EYA3: variants seen among roughly 807,000 people sequenced by gnomAD.
The protein encoded by EYA3 is EYA transcriptional coactivator and phosphatase 3, also known as protein phosphatase EYA3.
Under a neutral mutation model 80.0 loss-of-function variants are expected in EYA3, and 39 were observed. The ratio of observed to expected loss-of-function variants is 0.49; its 90% CI spans 0.38 to 0.64. EYA3 has a LOEUF of 0.64. Ranked by LOEUF, EYA3 falls within the 30% of genes least tolerant of loss-of-function variation. The pLI is 0.00. For missense variants in EYA3, 523 were observed against 676.1 expected (o/e 0.77, Z 2.51); for synonymous variants, 206 against 232.8 (o/e 0.88, Z 1.05).
intron 2 of EYA3, among the ~76,000 whole-genome samples, chr1:28,055,452 T>C (rs1644401237): frequency 6.8e-6 from 1 of 148,022 alleles, no homozygotes; most frequent in South Asian, 2.1e-4. Flanking sequence ...GTGAGTTATC[T>C]AAAGAAAATC....
At chr1:28,076,534 A>AACTCTGTC (rs1220968881) in intron 1 of EYA3, among the ~76,000 whole-genome samples, 1 of 151,634 alleles carries the variant, frequency 6.6e-6, no homozygotes, top group Admixed American at 6.6e-5. Flanking sequence ...CACATGGTAA[A>AACTCTGTC]ACTCTGTCTC....
rs148985925 is a variant in EYA3 at position 27,988,551 on chromosome 1, A to G, written c.1524T>C (p.Tyr508=). 869 of 1,613,842 alleles carry G rather than the reference A, an allele frequency of 5.4e-4. 1 individual carries two copies. The highest frequency in any genetic ancestry group is 6.8e-4 in the Non-Finnish European group (805 of 1,179,948). Residue 508 remains tyrosine (Y), a synonymous_variant, in exon 16 of 18, where the codon TAT becomes TAC. Transcript: ENST00000373871. The stretch of plus-strand genomic sequence containing the variant: ...AAACCATACCAATTTTGGTAGCACT[A>G]TAGATGTTCTCAATAGGAAATATTT... ...LGEIFPIENI[Y]SATKIGKESC...
At chr1:27,992,632 C>T (rs942954493) in intron 14 of EYA3, among the ~76,000 whole-genome samples, 1 of 152,118 alleles carries the variant, frequency 6.6e-6, no homozygotes, top group African/African-American at 2.4e-5. Flanking sequence ...TGATGGTTTA[C>T]AGTTTTAAAT....
In EYA3 at chr1:28,042,767, CGTG is replaced by C. The variant is rs762846730; in HGVS notation, c.78-120_78-118del. 512 of 789,100 alleles carry C rather than the reference CGTG, an allele frequency of 6.5e-4. 1 individual carries two copies. Among genetic ancestry groups the C allele is most frequent in the Non-Finnish European group, 9.1e-4 (416 of 456,732 alleles). 48.9% of individuals were successfully genotyped at this position (789,100 alleles called of 1,614,324 possible). ...ATAAGTAAGAGGCAAAGTAAATCTTCGTGATATCCTTATTGTTGATTTTTAACA... is the reference window on the plus strand; with the variant it reads ...ATAAGTAAGAGGCAAAGTAAATCTTCATATCCTTATTGTTGATTTTTAACA... On this transcript the variant is annotated intron_variant, in intron 3 of 17. Transcript: ENST00000373871.
intron 16 of EYA3, among the ~76,000 whole-genome samples, chr1:27,981,213 T>C (rs1639279605): frequency 6.6e-6 from 1 of 152,196 alleles, no homozygotes; most frequent in Admixed American, 6.5e-5. Flanking sequence ...CACAGTTCTG[T>C]GAAGAAAAGC....
At chr1:28,058,343 G>A (rs531350848) in intron 1 of EYA3, among the ~76,000 whole-genome samples, 15 of 152,124 alleles carry the variant, frequency 9.9e-5, no homozygotes, top group Admixed American at 5.9e-4. Flanking sequence ...GGTTACTATG[G>A]TGCCTAATGC....
intron 1 of EYA3, among the ~76,000 whole-genome samples, chr1:28,069,850 TCA>T (rs1267771457): frequency 1.3e-5 from 2 of 152,178 alleles, no homozygotes; most frequent in Non-Finnish European, 2.9e-5. Context: ...CTAAACGCCA[TCA>T]CAAATATCCT....
At chr1:28,033,000 G>C (rs1398768941) in intron 6 of EYA3, among the ~76,000 whole-genome samples, 1 of 152,070 alleles carries the variant, frequency 6.6e-6, no homozygotes, top group East Asian at 1.9e-4. Flanking sequence ...TTACCTCTTA[G>C]GGCTGTTCTG....
intron 6 of EYA3, among the ~76,000 whole-genome samples, chr1:28,035,113 G>A (rs1643370889): frequency 6.6e-6 from 1 of 151,994 alleles, no homozygotes; most frequent in Admixed American, 6.6e-5. Flanking sequence ...GTTTTGGGTG[G>A]GGTTAGGGGA....
rs1262698992 is a variant in EYA3, at chr1:27,974,184, G to C, written c.*282C>G. 4.2e-6 allele frequency: 1 copy of C among 238,634 alleles called. No homozygotes were observed. The highest frequency in any genetic ancestry group is 2.2e-5 in the African/African-American group (1 of 45,166). The allele number at this position is 238,634 out of a possible 1,614,324, so 14.8% of individuals were successfully genotyped here. On this transcript the variant is annotated 3_prime_UTR_variant, in exon 18 of 18. Coordinates refer to ENST00000373871, the MANE Select transcript of EYA3 (RefSeq NM_001990.4). ...GCTTCTGTATGGAGATGAACACGGGGCTGCAGCTCACTCTTAGCAAAAATT... is the reference window on the plus strand; with the variant it reads ...GCTTCTGTATGGAGATGAACACGGGCCTGCAGCTCACTCTTAGCAAAAATT...
intron 17 of EYA3, chr1:27,976,907 G>A (rs1395599013): frequency 1.7e-5 from 7 of 421,316 alleles, no homozygotes; most frequent in African/African-American, 1.1e-4. Flanking sequence ...TAGTAGAGAC[G>A]GGATTTCACC....
At chr1:28,010,848 C>T (rs1413645100) in intron 10 of EYA3, 99 bp downstream of exon 10, 4 of 1,380,518 alleles carry the variant, frequency 2.9e-6, no homozygotes, top group African/African-American at 1.4e-5. Context: ...GGGCACATAA[C>T]ATAGTGCACA....
chr1:28,013,919 C>T lies in EYA3; in HGVS notation c.586-625G>A, dbSNP rs1039125986. On this transcript the variant is annotated intron_variant, in intron 8 of 17. Transcript: ENST00000373871. This position sits in a 1 kb window ranked among gnomAD's most constrained non-coding sequence, Gnocchi z 4.0. Reference sequence around the variant, plus strand: ...TTCTACTAAAAATACAAAAATTAGCCTGGCGTGGTGGCACATGCCTGAAAT... The same window carrying T: ...TTCTACTAAAAATACAAAAATTAGCTTGGCGTGGTGGCACATGCCTGAAAT... Among the ~76,000 whole-genome samples the T allele has an allele frequency of 3.9e-5, 6 of 151,936 alleles. No homozygotes were observed. Among genetic ancestry groups the T allele is most frequent in the African/African-American group, 1.5e-4 (6 of 41,356 alleles).
rs1177281332 is a variant in EYA3 at position 27,972,799 on chromosome 1, A to G, written c.*1667T>C. ...ATCATGGCTGGGCTGGAAGGCTGTG[A>G]CTAGTGCCTGGGCACCCACCAATCT... On this transcript the variant is annotated 3_prime_UTR_variant, in exon 18 of 18. Coordinates refer to ENST00000373871, the MANE Select transcript of EYA3 (RefSeq NM_001990.4). The G allele has an allele frequency of 6.6e-6, 1 of 152,278 alleles. No homozygotes were observed. Among genetic ancestry groups the G allele is most frequent in the East Asian group, 1.9e-4 (1 of 5,202 alleles). 9.4% of individuals were successfully genotyped at this position (152,278 alleles called of 1,614,324 possible). A position where few individuals can be genotyped will look rare whatever the true frequency, so the allele number is the denominator to read the frequency against.
chr1:28,027,851 G>A lies in EYA3; in HGVS notation c.437C>T (p.Thr146Ile). ...GCTTGTGGTTAACCCTGTAGTGCAGGTAAGAACACTGTGTTGACTTGGAGA... is the reference window on the plus strand; with the variant it reads ...GCTTGTGGTTAACCCTGTAGTGCAGATAAGAACACTGTGTTGACTTGGAGA... ...TPSPSQHSVLTCTTGLTTSQP... is the reference protein window; with the variant it reads ...TPSPSQHSVLICTTGLTTSQP... Residue 146 changes from threonine to isoleucine, a missense_variant, in exon 7 of 18, where the codon ACC becomes ATC. By Grantham distance (89) the Thr-to-Ile change is moderately conservative (BLOSUM62 -1). This residue lies in a region of EYA3 where 304 missense variants were observed against 343.3 expected (regional missense o/e 0.89). Transcript: ENST00000373871. 1 of 1,614,148 alleles carries A rather than the reference G, an allele frequency of 6.2e-7. No homozygotes were observed. Among genetic ancestry groups the A allele is most frequent in the Non-Finnish European group, 8.5e-7 (1 of 1,180,016 alleles).
intron 16 of EYA3, 160 bp downstream of exon 16, chr1:27,988,374 TA>T: frequency 2.8e-6 from 2 of 724,990 alleles, no homozygotes; most frequent in Non-Finnish European, 4.4e-6. Context: ...ATATAACTAC[TA>T]AGCCTCAATT....
At chr1:28,011,270 C>T (rs760876469) in intron 9 of EYA3, among the ~76,000 whole-genome samples, 184 bp from the exon 10 acceptor site, 1 of 152,176 alleles carries the variant, frequency 6.6e-6, no homozygotes, top group African/African-American at 2.4e-5. Flanking sequence ...CACTGGCTAA[C>T]ATCAGAAAAG....
chr1:28,034,448 A>C (rs928695879), intron 6 of EYA3, among the ~76,000 whole-genome samples: 1 of 152,194 alleles, frequency 6.6e-6, no homozygotes, highest in Non-Finnish European at 1.5e-5. Context: ...TCATATCATA[A>C]ATATAAGATC....
intron 6 of EYA3, among the ~76,000 whole-genome samples, chr1:28,032,384 T>C (rs1420869422): frequency 6.6e-6 from 1 of 152,218 alleles, no homozygotes; most frequent in Admixed American, 6.5e-5. Flanking sequence ...AGTTTTTTCA[T>C]ATTATAAATA....
Sources: allele counts gnomAD v4.1 joint callset (sites outside exome capture counted in the v4.1 genomes callset), GRCh38; gene constraint gnomAD v4.1.1; regional missense constraint gnomAD v4.1.1; non-coding constraint Gnocchi (gnomAD v3.1); transcripts MANE v1.5; gene names NCBI Gene and HGNC (gene_info 2026-07-23, HGNC 2026-07-21).